Variants in PPP2R5C observed in about 807,000 individuals in gnomAD.
PPP2R5C encodes serine/threonine-protein phosphatase 2A 56 kDa regulatory subunit gamma isoform.
PPP2R5C carries 7 observed loss-of-function variants against 68.9 expected under a neutral mutation model. That is an observed-to-expected ratio of 0.10 (90% CI 0.06 to 0.19). The LOEUF (loss-of-function observed/expected upper bound fraction) is 0.19. PPP2R5C is among the 10% of genes least tolerant of loss of function. The pLI is 1.00. For synonymous variants in PPP2R5C, 210 were observed against 222.2 expected (o/e 0.95, Z 0.49); for missense variants, 348 against 641.3 (o/e 0.54, Z 4.94).
At chr14:101,795,362 T>C (rs1318496887) in intron 3 of PPP2R5C, among the ~76,000 whole-genome samples, 1 of 152,190 alleles carries the variant, frequency 6.6e-6, no homozygotes, top group Non-Finnish European at 1.5e-5. Context: ...AGTTATTTGA[T>C]AAGTAGAAAA....
At chr14:101,925,169 C>T (rs1427757914) in exon 14 of PPP2R5C, 1 of 1,614,114 alleles carries the variant, frequency 6.2e-7, no homozygotes, top group Non-Finnish European at 8.5e-7. Context: ...AAGGACCGTC[C>T]TCTTGCACGC....
chr14:101,829,801 G>GC (rs1253191576), intron 1 of PPP2R5C, among the ~76,000 whole-genome samples: 1 of 152,100 alleles, frequency 6.6e-6, no homozygotes, highest in Admixed American at 6.5e-5. Context: ...TCATCCTTAC[G>GC]CAGTGCCTTC....
At chr14:101,798,230 C>T (rs1266377518) in intron 3 of PPP2R5C, among the ~76,000 whole-genome samples, 1 of 151,502 alleles carries the variant, frequency 6.6e-6, no homozygotes, top group Admixed American at 6.6e-5. Context: ...AGGTTCAGAA[C>T]ACCAGCCTTC....
chr14:101,927,956 A>C (rs975821484), exon 14 of PPP2R5C: 3 of 152,120 alleles, frequency 2.0e-5, no homozygotes, highest in African/African-American at 4.8e-5. Context: ...ATATGGACTA[A>C]ATAAAGAACA....
intron 3 of PPP2R5C, among the ~76,000 whole-genome samples, chr14:101,791,685 G>C (rs1464028050): frequency 1.3e-5 from 2 of 150,488 alleles, no homozygotes; most frequent in African/African-American, 4.9e-5. Context: ...AGTTCTGTTT[G>C]GTTCTTTTTT....
intron 3 of PPP2R5C, among the ~76,000 whole-genome samples, chr14:101,798,682 C>T (rs1030832775): frequency 6.6e-6 from 1 of 152,262 alleles, no homozygotes; most frequent in African/African-American, 2.4e-5. Context: ...ATATTGAGCA[C>T]TGTGGCCTTT....
chr14:101,872,012 A>G (rs1041117208), intron 2 of PPP2R5C, among the ~76,000 whole-genome samples: 12 of 151,890 alleles, frequency 7.9e-5, no homozygotes, highest in African/African-American at 2.7e-4. Context: ...TTATACTTTA[A>G]GTTTTCGGGT....
At chr14:101,864,906 A>G (rs1200303290) in intron 2 of PPP2R5C, among the ~76,000 whole-genome samples, 2 of 152,182 alleles carry the variant, frequency 1.3e-5, no homozygotes, top group African/African-American at 2.4e-5. Context: ...AGAATGACGC[A>G]TGAAGGGACC....
chr14:101,805,569 AT>A (rs1015577860), upstream of PPP2R5C, among the ~76,000 whole-genome samples: 6 of 152,228 alleles, frequency 3.9e-5, no homozygotes, highest in African/African-American at 1.2e-4. Context: ...ACCCAAAAGA[AT>A]TGAAAACAGA....
chr14:101,774,161 A>C (rs1223348196), intron 2 of PPP2R5C, among the ~76,000 whole-genome samples: 1 of 152,228 alleles, frequency 6.6e-6, no homozygotes, highest in East Asian at 1.9e-4. Flanking sequence ...TTGTTCACAC[A>C]GGCAAAGATG....
chr14:101,900,893 C>T (rs1274411736), intron 8 of PPP2R5C, among the ~76,000 whole-genome samples: 5 of 152,258 alleles, frequency 3.3e-5, no homozygotes, highest in African/African-American at 1.2e-4. Flanking sequence ...GCCTGCTCAC[C>T]GCAGGCCCAG....
At chr14:101,764,003 T>TTGTGTG (rs3221573) in intron 2 of PPP2R5C, among the ~76,000 whole-genome samples, 27 of 137,222 alleles carry the variant, frequency 2.0e-4, no homozygotes, top group African/African-American at 4.4e-4. Flanking sequence ...ATTGTTCACA[T>TTGTGTG]TGTGTGTGTG....
intron 3 of PPP2R5C, 55 bp from the exon 6 acceptor site, chr14:101,883,202 A>C (rs1595462740): frequency 8.0e-7 from 1 of 1,244,984 alleles, no homozygotes; most frequent in Non-Finnish European, 1.1e-6. Flanking sequence ...GTATATTTTA[A>C]CCGCCATTCA....
At chr14:101,857,891 C>T (rs2042518782) in intron 2 of PPP2R5C, among the ~76,000 whole-genome samples, 2 of 152,180 alleles carry the variant, frequency 1.3e-5, no homozygotes, top group African/African-American at 4.8e-5. Context: ...GACTTCTTGA[C>T]CTAAAATACT....
intron 1 of PPP2R5C, chr14:101,818,281 T>C (rs2039839801): frequency 6.6e-6 from 1 of 152,224 alleles, no homozygotes; most frequent in African/African-American, 2.4e-5. Context: ...TCTCCCCTCC[T>C]CATCTTTAAC....
chr14:101,859,660 G>A (rs568655665), intron 2 of PPP2R5C, among the ~76,000 whole-genome samples: 1 of 152,316 alleles, frequency 6.6e-6, no homozygotes, highest in South Asian at 2.1e-4. Context: ...GCCTTGGTTT[G>A]TGACCCTCTT....
intron 2 of PPP2R5C, among the ~76,000 whole-genome samples, chr14:101,876,220 A>G (rs1284921360): frequency 6.6e-6 from 1 of 152,186 alleles, no homozygotes; most frequent in Non-Finnish European, 1.5e-5. Context: ...GACTCGTAGA[A>G]CCTAACAGTT....
intron 2 of PPP2R5C, among the ~76,000 whole-genome samples, chr14:101,763,507 T>C (rs1018946301): frequency 1.2e-4 from 19 of 152,066 alleles, no homozygotes; most frequent in African/African-American, 4.6e-4. Flanking sequence ...CTCAGCCTCC[T>C]GAGTAGCTGG....
chr14:101,868,856 A>G lies in PPP2R5C; in HGVS notation c.294+11971A>G, dbSNP rs115461553. On this transcript the variant is annotated intron_variant, in intron 2 of 13. Transcript: ENST00000334743. ...GTTCTCGGAACTTTGATAAATGTGT[A>G]TAGTCACGTCTTCCGCACCACAGTC... Among the ~76,000 whole-genome samples the G allele has an allele frequency of 8.1e-3, 1,232 of 152,272 alleles. 16 individuals carry two copies. The highest frequency in any genetic ancestry group is 0.028 in the African/African-American group (1,157 of 41,536).
Sources: allele counts gnomAD v4.1 joint callset (sites outside exome capture counted in the v4.1 genomes callset), GRCh38; gene constraint gnomAD v4.1.1; transcripts MANE v1.5; gene names NCBI Gene and HGNC (gene_info 2026-07-23, HGNC 2026-07-21).